The following PPP2R3B variants were observed in gnomAD, a reference collection of about 807,000 sequenced individuals.
PPP2R3B encodes protein phosphatase 2 regulatory subunit B''beta.
Under a neutral mutation model 72.9 loss-of-function variants are expected in PPP2R3B, and 68 were observed. That is an observed-to-expected ratio of 0.93 (90% CI 0.77 to 1.14). The LOEUF (loss-of-function observed/expected upper bound fraction) is 1.14, where lower values mean the gene tolerates loss of function less well. Ranked by LOEUF, PPP2R3B falls within the 50% of genes most tolerant of loss-of-function variation. The pLI, the probability that PPP2R3B is intolerant of heterozygous loss-of-function variation, is 0.00. For missense variants in PPP2R3B, 1,018 were observed against 842.0 expected (o/e 1.21, Z -2.59); for synonymous variants, 466 against 375.8 (o/e 1.24, Z -2.78).
rs14127 is a variant in PPP2R3B, at chrX:334,362, C to T, written c.*5G>A. 0.29 allele frequency: 427,924 copies of T among 1,489,962 alleles called. 62,967 individuals carry two copies. Among genetic ancestry groups the T allele is most frequent in the Middle Eastern group, 0.32 (1,272 of 3,994 alleles). The allele number at this position is 1,489,962 out of a possible 1,614,324, so 92.3% of individuals were successfully genotyped here. A position where few individuals can be genotyped will look rare whatever the true frequency, so the allele number is the denominator to read the frequency against. ...GGCCCCGCGGCGGCGTTCTCGCGGG[C>T]GGCGTCACAGCGGCTCCAGGTCCTC... On this transcript the variant is annotated 3_prime_UTR_variant, in exon 13 of 13. Transcript: ENST00000390665.
At chrX:382,944 G>A (rs1233461157) in intron 1 of PPP2R3B, among the ~76,000 whole-genome samples, 1 of 152,076 alleles carries the variant, frequency 6.6e-6, no homozygotes, top group East Asian at 1.9e-4. Context: ...TGCTTCTTGA[G>A]TCCTGGCCCT....
intron 5 of PPP2R3B, 57 bp from the exon 6 acceptor site, chrX:346,317 GCA>G (rs1491564862): frequency 1.3e-6 from 2 of 1,498,392 alleles, no homozygotes; most frequent in Non-Finnish European, 1.8e-6. Context: ...GCCTCGCCCC[GCA>G]CGGAGACCGG....
intron 12 of PPP2R3B, 68 bp downstream of exon 12, chrX:338,525 TCCTCCCACTCA>T: frequency 2.5e-6 from 1 of 396,972 alleles, no homozygotes. Context: ...CACACACCCG[TCCTCCCACTCA>T]CCCGTCCTCC....
intron 1 of PPP2R3B, among the ~76,000 whole-genome samples, chrX:376,757 C>T (rs1240513244): frequency 3.0e-5 from 3 of 99,552 alleles, no homozygotes; most frequent in Admixed American, 2.0e-4. Context: ...CTATACACTA[C>T]TGTGTACAGG....
intron 2 of PPP2R3B, among the ~76,000 whole-genome samples, chrX:351,895 A>G (rs1298709736): frequency 2.0e-5 from 3 of 152,176 alleles, no homozygotes; most frequent in South Asian, 2.1e-4. Context: ...AAGTCTCACT[A>G]TGTTGCCGAG....
chrX:334,499 G>A lies in PPP2R3B; in HGVS notation c.1596C>T (p.Ser532=), dbSNP rs778625914. ...GCGCACTCAGCTTCTGCTCCACAGG[G>A]CTGAGCTCGGCCTCGAACCTGCAAC... The part of the protein sequence containing the change: ...PWEDGFEAEL[S]PVEQKLSALR... The change falls in exon 13 of 13, where the codon AGC becomes AGT. Residue 532 remains serine, a synonymous_variant. Coordinates refer to ENST00000390665, the MANE Select transcript of PPP2R3B (RefSeq NM_013239.5). The A allele has an allele frequency of 1.3e-6, 2 of 1,560,710 alleles. No homozygotes were observed. Among genetic ancestry groups the A allele is most frequent in the East Asian group, 4.6e-5 (2 of 43,272 alleles).
At chrX:364,004 A>C (rs767504563) in intron 1 of PPP2R3B, among the ~76,000 whole-genome samples, 2 of 152,340 alleles carry the variant, frequency 1.3e-5, no homozygotes, top group South Asian at 4.1e-4. Context: ...GCAGGAAAGG[A>C]GGACACCTCA....
chrX:339,274 G>GGGC (rs1556105619), intron 10 of PPP2R3B, among the ~76,000 whole-genome samples: 3 of 150,164 alleles, frequency 2.0e-5, no homozygotes, highest in East Asian at 2.0e-4. Flanking sequence ...CCCATGGCCG[G>GGGC]GGGGGGCAGG....
At chrX:367,721 C>T (rs948604835) in intron 1 of PPP2R3B, among the ~76,000 whole-genome samples, 3 of 152,218 alleles carry the variant, frequency 2.0e-5, no homozygotes, top group Non-Finnish European at 4.4e-5. Context: ...GACCTCAATG[C>T]ACCGAGTGCT....
intron 1 of PPP2R3B, 117 bp downstream of exon 1, chrX:386,250 CA>C: frequency 1.3e-6 from 1 of 797,942 alleles, no homozygotes. Context: ...GGAACAGACT[CA>C]ATATGAAACC....
At chrX:356,853 G>A (rs1377116443) in intron 2 of PPP2R3B, among the ~76,000 whole-genome samples, 2 of 79,184 alleles carry the variant, frequency 2.5e-5, no homozygotes, top group Non-Finnish European at 4.9e-5. Context: ...GCCTTGGCCA[G>A]CCACACAGCG....
In PPP2R3B at chrX:347,676, G is replaced by C; in HGVS notation, c.528C>G (p.Leu176=). Residue 176 remains leucine (L), a synonymous_variant, in exon 3 of 13, where the codon CTC becomes CTG. Transcript: ENST00000390665. ...CATAGAAGAGCGGCCCCTTCCAGTA[G>C]AGGGGGCAGCCGCAGGCCTGGGGCA... is the stretch of plus-strand genomic sequence containing the variant. The part of the protein sequence containing the change: ...GLVAKACGCP[L]YWKGPLFYGA... 1 of 1,546,104 alleles carries C rather than the reference G, an allele frequency of 6.5e-7. No homozygotes were observed. Among genetic ancestry groups the C allele is most frequent in the Non-Finnish European group, 8.7e-7 (1 of 1,147,904 alleles).
At chrX:367,182 G>T (rs1407229394) in intron 1 of PPP2R3B, among the ~76,000 whole-genome samples, 1 of 152,136 alleles carries the variant, frequency 6.6e-6, no homozygotes, top group Non-Finnish European at 1.5e-5. Context: ...TTGAAAGAAG[G>T]GATGAAGAGC....
Position 340,934 on chromosome X carries a change from C to G in PPP2R3B, c.1182G>C (p.Glu394Asp). The stretch of plus-strand genomic sequence containing the variant: ...CCAGGTCCATGCAGCGGAACCAGTA[C>G]TCGATGCTGCGGCACGGCGAGCTCT... ...EEDKKTPTSI[E>D]YWFRCMDLDG... Residue 394 changes from glutamate (E) to aspartate (D), a missense_variant, in exon 10 of 13, where the codon GAG becomes GAC. Coordinates refer to ENST00000390665, the MANE Select transcript of PPP2R3B (RefSeq NM_013239.5). The G allele has an allele frequency of 6.2e-7, 1 of 1,610,970 alleles. No homozygotes were observed. The highest frequency in any genetic ancestry group is 8.5e-7 in the Non-Finnish European group (1 of 1,179,172).
chrX:340,804 G>C lies in PPP2R3B; in HGVS notation c.1312C>G (p.Leu438Val), dbSNP rs1422533741. Residue 438 changes from leucine (L) to valine (V), a missense_variant, in exon 10 of 13, where the codon CTC becomes GTC. Leu to Val is a conservative substitution (Grantham distance 32). Transcript: ENST00000390665. ...AIEALPFQDC[L>V]CQMLDLVKPR... ...TTGACCAGGTCCAGCATCTGGCAGA[G>C]GCAGTCCTGGAAGGGCAGGGCCTCG... The C allele has an allele frequency of 1.9e-6, 3 of 1,606,932 alleles. No individual in the cohort carries two copies. The highest frequency in any genetic ancestry group is 2.2e-5 in the South Asian group (2 of 90,904).
At chrX:352,725 CCGA>C (rs1190761331) in intron 2 of PPP2R3B, among the ~76,000 whole-genome samples, 3 of 151,870 alleles carry the variant, frequency 2.0e-5, no homozygotes, top group African/African-American at 4.8e-5. Context: ...ACAGGGCACG[CCGA>C]CACCAACCGA....
intron 1 of PPP2R3B, among the ~76,000 whole-genome samples, chrX:378,860 C>A (rs770111980): frequency 6.6e-6 from 1 of 152,200 alleles, no homozygotes; most frequent in Admixed American, 6.5e-5. Flanking sequence ...CAGACAGGCA[C>A]GCACCTGTAC....
intron 1 of PPP2R3B, among the ~76,000 whole-genome samples, chrX:379,029 CTGTG>C (rs761802799): frequency 0.21 from 32,510 of 151,882 alleles, 3,982 homozygotes; most frequent in Non-Finnish European, 0.28. Context: ...GTACATGCAC[CTGTG>C]TGTGTGTATG....
chrX:334,389 TC>T lies in PPP2R3B; in HGVS notation c.1705del (p.Asp569ThrfsTer44). ...AVDLYEYACG[D>X]EDLEPL ...GCGTCACAGCGGCTCCAGGTCCTCG[TC>T]CCCGCATGCGTACTCGTACAGGTCC... On this transcript the variant is annotated frameshift_variant, in exon 13 of 13. Coordinates refer to ENST00000390665, the MANE Select transcript of PPP2R3B (RefSeq NM_013239.5). LOFTEE classifies it high-confidence loss of function. 6.5e-7 allele frequency: 1 copy of T among 1,530,668 alleles called. No individual in the cohort carries two copies. The allele number at this position is 1,530,668 out of a possible 1,614,324, so 94.8% of individuals were successfully genotyped here.
Sources: allele counts gnomAD v4.1 joint callset (sites outside exome capture counted in the v4.1 genomes callset), GRCh38; gene constraint gnomAD v4.1.1; transcripts MANE v1.5; gene names NCBI Gene and HGNC (gene_info 2026-07-23, HGNC 2026-07-21).